The following SLC38A4 variants were observed in gnomAD, a reference collection of about 807,000 sequenced individuals.
SLC38A4 encodes the protein solute carrier family 38 member 4.
SLC38A4 carries 20 observed loss-of-function variants against 63.1 expected under a neutral mutation model. The observed-to-expected ratio is 0.32, with a 90% CI of 0.22 to 0.46. The LOEUF is 0.46. Ranked by LOEUF, SLC38A4 falls within the 20% of genes least tolerant of loss-of-function variation. The probability of loss-of-function intolerance (pLI) is 1.00; values close to 1 mark genes in which losing one functional copy is unlikely to be tolerated. For missense variants in SLC38A4, 526 were observed against 663.6 expected, an observed-to-expected ratio of 0.79 and a Z score of 2.28; for synonymous variants, 230 against 225.5, an observed-to-expected ratio of 1.02 and a Z score of -0.18.
At chr12:46,790,770 G>T (rs1397170484) in intron 3 of SLC38A4, among the ~76,000 whole-genome samples, 1 of 151,388 alleles carries the variant, frequency 6.6e-6, no homozygotes, top group Non-Finnish European at 1.5e-5. Context: ...AATGTCCCCA[G>T]TATGTTAAAT....
chr12:46,783,049 T>TGTGTGC (rs1275725353), intron 7 of SLC38A4, among the ~76,000 whole-genome samples: 2 of 134,292 alleles, frequency 1.5e-5, no homozygotes, highest in Non-Finnish European at 3.2e-5. Flanking sequence ...TGTGTGTGTG[T>TGTGTGC]GTGTGTGTGT....
upstream of SLC38A4, among the ~76,000 whole-genome samples, chr12:46,826,227 C>G (rs946731306): frequency 2.5e-4 from 38 of 152,224 alleles, no homozygotes; most frequent in African/African-American, 9.2e-4. Context: ...AAAGTCCCTG[C>G]CCTTAGGAGT....
chr12:46,774,718 G>GC (rs1221882566), intron 14 of SLC38A4, among the ~76,000 whole-genome samples: 33 of 151,950 alleles, frequency 2.2e-4, no homozygotes, highest in African/African-American at 7.0e-4. Flanking sequence ...AGTTAATATG[G>GC]TTTTGGCTTT....
Position 46,819,832 on chromosome 12 carries a change from C to T in SLC38A4, c.-305+6071G>A, listed in dbSNP as rs117807612. 4.6e-3 allele frequency among the ~76,000 whole-genome samples: 706 copies of T among 151,866 alleles called. 4 individuals carry two copies. Among genetic ancestry groups the T allele is most frequent in the Non-Finnish European group, 7.3e-3 (495 of 67,826 alleles). On this transcript the variant is annotated intron_variant, in intron 1 of 16. Coordinates refer to ENST00000266579, the MANE Select transcript of SLC38A4 (RefSeq NM_018018.5). The stretch of plus-strand genomic sequence containing the variant: ...CACATAGTTTTCTTGATAGTTCCCT[C>T]GAAAGTTTGAAAGAAGATACTACAA...
chr12:46,778,195 G>C, intron 12 of SLC38A4, 94 bp downstream of exon 12: 1 of 1,215,738 alleles, frequency 8.2e-7, no homozygotes, highest in Non-Finnish European at 1.2e-6. Context: ...TCTCTGAAGA[G>C]GAAGCTATAA....
chr12:46,794,766 A>C (rs1211773849), intron 2 of SLC38A4, among the ~76,000 whole-genome samples: 1 of 151,976 alleles, frequency 6.6e-6, no homozygotes. Context: ...GAATTGTGAG[A>C]CTAGGGTGAG....
chr12:46,815,457 G>A (rs1202799761), intron 1 of SLC38A4, among the ~76,000 whole-genome samples: 1 of 151,056 alleles, frequency 6.6e-6, no homozygotes, highest in Non-Finnish European at 1.5e-5. Context: ...TTTGCACAGA[G>A]CAGTAACTTA....
rs370759692 is a variant in SLC38A4, at chr12:46,772,651, A to G, written c.1299+2398T>C. On this transcript the variant is annotated intron_variant, in intron 14 of 16. Coordinates refer to ENST00000266579, the MANE Select transcript of SLC38A4 (RefSeq NM_018018.5). ...TGTTCAACAAATACTACAAGCAGTT[A>G]CTATGCACCTTTTACTAAAAAGGAA... 4.6e-5 allele frequency among the ~76,000 whole-genome samples: 7 copies of G among 152,210 alleles called. No homozygotes were observed. In the East Asian group the frequency reaches 1.2e-3, roughly 25 times the overall value.
chr12:46,781,687 G>T (rs80298832), intron 7 of SLC38A4, among the ~76,000 whole-genome samples: 132 of 152,042 alleles, frequency 8.7e-4, no homozygotes, highest in Non-Finnish European at 1.8e-3. Context: ...GTGATGTTAC[G>T]ATATTTCATC....
intron 14 of SLC38A4, 46 bp downstream of exon 14, chr12:46,775,003 T>G (rs1432877872): frequency 1.9e-6 from 3 of 1,600,248 alleles, no homozygotes; most frequent in Admixed American, 1.7e-5. Flanking sequence ...ATGTACTAAT[T>G]TATGGGGTCA....
intron 1 of SLC38A4, among the ~76,000 whole-genome samples, chr12:46,823,985 G>T (rs1939599810): frequency 6.6e-6 from 1 of 152,208 alleles, no homozygotes; most frequent in Non-Finnish European, 1.5e-5. Flanking sequence ...GGAGGTGAAA[G>T]TAGTGTAACA....
intron 5 of SLC38A4, among the ~76,000 whole-genome samples, chr12:46,787,460 C>T (rs530491953): frequency 5.3e-4 from 80 of 152,142 alleles, no homozygotes; most frequent in Non-Finnish European, 1.0e-3. Context: ...GTTCCAAGAC[C>T]ATGTGCAAAG....
chr12:46,784,052 C>T (rs985640739), intron 7 of SLC38A4, among the ~76,000 whole-genome samples: 2 of 151,990 alleles, frequency 1.3e-5, no homozygotes, highest in African/African-American at 4.8e-5. Flanking sequence ...GATGCCTAGC[C>T]AGACTTTTGC....
intron 1 of SLC38A4, among the ~76,000 whole-genome samples, chr12:46,813,280 ATATT>A (rs1226028157): frequency 6.6e-6 from 1 of 152,038 alleles, no homozygotes; most frequent in Non-Finnish European, 1.5e-5. Context: ...GTCTGTATTT[ATATT>A]TATTACAAAG....
At chr12:46,793,574 T>C (rs962395415) in intron 2 of SLC38A4, among the ~76,000 whole-genome samples, 10 of 152,104 alleles carry the variant, frequency 6.6e-5, no homozygotes, top group African/African-American at 1.7e-4. Context: ...CAGAGGAAGG[T>C]CTACCAAGGC....
chr12:46,802,723 G>A (rs867624852), intron 2 of SLC38A4, among the ~76,000 whole-genome samples: 1 of 151,902 alleles, frequency 6.6e-6, no homozygotes, highest in African/African-American at 2.4e-5. Flanking sequence ...TTTTAGCCCA[G>A]TGTTCATGAA....
At chr12:46,817,846 T>A (rs1939471876) in intron 1 of SLC38A4, among the ~76,000 whole-genome samples, 1 of 151,934 alleles carries the variant, frequency 6.6e-6, no homozygotes, top group Non-Finnish European at 1.5e-5. Flanking sequence ...TGACTGCAGT[T>A]AAAATTAATT....
In SLC38A4 at chr12:46,818,720, T is replaced by C. The variant is rs375565256; in HGVS notation, c.-305+7183A>G. On this transcript the variant is annotated intron_variant, in intron 1 of 16. Transcript: ENST00000266579. ...CATAATTGCATAATAAATATTTCTATGTATATCAGTAATAGAAAAATACTT... is the reference window on the plus strand; with the variant it reads ...CATAATTGCATAATAAATATTTCTACGTATATCAGTAATAGAAAAATACTT... 1.6e-3 allele frequency among the ~76,000 whole-genome samples: 241 copies of C among 152,054 alleles called. 3 individuals are homozygous for C. The South Asian group carries it at 0.044, about 28-fold the overall frequency.
intron 3 of SLC38A4, among the ~76,000 whole-genome samples, chr12:46,792,746 C>T (rs539971356): frequency 3.1e-4 from 47 of 152,278 alleles, no homozygotes; most frequent in African/African-American, 1.1e-3. Flanking sequence ...GAGACAAAGA[C>T]ATTGTAACCT....
Sources: gnomAD v4.1 joint callset for allele counts (sites outside exome capture counted in the v4.1 genomes callset) on GRCh38, gnomAD v4.1.1 for gene constraint, MANE v1.5 for transcripts, NCBI Gene and HGNC (gene_info 2026-07-23, HGNC 2026-07-21) for gene names.